Variants in GRIN1 observed in about 807,000 individuals in gnomAD.
The protein encoded by GRIN1 is glutamate ionotropic receptor NMDA type subunit 1.
In GRIN1, 38 loss-of-function variants were observed where a neutral mutation model predicts 103.0. The observed-to-expected ratio is 0.37, with a 90% CI of 0.28 to 0.48. GRIN1 has a LOEUF of 0.48. Among genes scored for constraint, GRIN1 ranks in the 20% least tolerant of loss-of-function variants. The pLI is 0.98. For missense variants in GRIN1, 577 were observed against 1,288.9 expected, an observed-to-expected ratio of 0.45 and a Z score of 8.46; for synonymous variants, 544 against 532.7, an observed-to-expected ratio of 1.02 and a Z score of -0.29.
Position 137,153,521 on chromosome 9 carries a change from G to T in GRIN1, c.672-3148G>T, listed in dbSNP as rs903242481. On this transcript the variant is annotated intron_variant, in intron 4 of 19. Coordinates refer to ENST00000371561, the MANE Select transcript of GRIN1 (RefSeq NM_007327.4). ...ACAACACATACACATGTGCACACAT[G>T]CCATATACCACATGTGTACACACAT... is the stretch of plus-strand genomic sequence containing the variant. 2.6e-5 allele frequency among the ~76,000 whole-genome samples: 4 copies of T among 151,246 alleles called. No homozygotes were observed. The East Asian group carries it at 5.8e-4, about 22-fold the overall frequency.
rs368378783 is a variant in GRIN1 at position 137,142,135 on chromosome 9, C to A, written c.381C>A (p.Ile127=). 2 of 1,614,154 alleles carry A rather than the reference C, an allele frequency of 1.2e-6. No homozygotes were observed. Among genetic ancestry groups the A allele is most frequent in the South Asian group, 2.2e-5 (2 of 91,090 alleles). ...TGGGGCTGACCACCCGCATGTCCAT[C>A]TACTCGGACAAGGTAAGCCTGACTG... The part of the protein sequence containing the change: ...PVLGLTTRMS[I]YSDKSIHLSF... Residue 127 remains isoleucine, a synonymous_variant, in exon 2 of 20, where the codon ATC becomes ATA. Coordinates refer to ENST00000371561, the MANE Select transcript of GRIN1 (RefSeq NM_007327.4).
Position 137,161,106 on chromosome 9 carries a change from T to C in GRIN1, c.1248T>C (p.Ser416=). The change falls in exon 9 of 20, where the codon AGT becomes AGC. Residue 416 remains serine (S), a synonymous_variant. Coordinates refer to ENST00000371561, the MANE Select transcript of GRIN1 (RefSeq NM_007327.4). ...EPFVYVKPTL[S]DGTCKEEFTV... Reference sequence around the variant, plus strand: ...TCGTGTACGTCAAGCCCACGCTGAGTGATGGGACATGCAAGGAGGAGTTCA... The same window carrying C: ...TCGTGTACGTCAAGCCCACGCTGAGCGATGGGACATGCAAGGAGGAGTTCA... 1.2e-6 allele frequency: 2 copies of C among 1,612,606 alleles called. No individual in the cohort carries two copies. Among genetic ancestry groups the C allele is most frequent in the Non-Finnish European group, 1.7e-6 (2 of 1,179,856 alleles).
chr9:137,154,110 C>CTTTT (rs869310108), intron 4 of GRIN1, among the ~76,000 whole-genome samples: 1 of 143,958 alleles, frequency 6.9e-6, no homozygotes, highest in Non-Finnish European at 1.5e-5. Flanking sequence ...CCGTGCCTGC[C>CTTTT]TTTTTTTTTT....
chr9:137,159,785 TAAA>T (rs565003943), intron 8 of GRIN1, among the ~76,000 whole-genome samples: 80 of 152,290 alleles, frequency 5.3e-4, no homozygotes, highest in South Asian at 1.7e-3. Context: ...CCCCTGGGGA[TAAA>T]AGACAAAATG....
intron 14 of GRIN1, 32 bp from the exon 15 acceptor site, chr9:137,162,814 G>C: frequency 3.7e-6 from 6 of 1,609,064 alleles, no homozygotes; most frequent in South Asian, 1.1e-5. Context: ...CTGGGGAGCC[G>C]CCGCCGCGAT....
chr9:137,144,421 G>A (rs563788903), intron 2 of GRIN1, among the ~76,000 whole-genome samples: 64 of 151,836 alleles, frequency 4.2e-4, no homozygotes, highest in South Asian at 3.1e-3. Flanking sequence ...TTGGGAGGCC[G>A]AGGCGGGCGG....
Position 137,167,581 on chromosome 9 carries a change from G to A in GRIN1, c.*54G>A. 3.9e-6 allele frequency: 6 copies of A among 1,541,086 alleles called. No individual in the cohort carries two copies. The highest frequency in any genetic ancestry group is 4.9e-5 in the East Asian group (2 of 41,148). ...TCCCCCGCAGACAGACAGACAGACG[G>A]ACGGGACAGCGGCCCGGCCCACGCA... is the stretch of plus-strand genomic sequence containing the variant. On this transcript the variant is annotated 3_prime_UTR_variant, in exon 20 of 20. Coordinates refer to ENST00000371561, the MANE Select transcript of GRIN1 (RefSeq NM_007327.4).
intron 3 of GRIN1, chr9:137,148,249 T>C (rs1832657718): frequency 1.4e-6 from 2 of 1,452,540 alleles, no homozygotes; most frequent in Non-Finnish European, 1.9e-6. Flanking sequence ...CACCCACGGC[T>C]AGGGAGCCCT....
intron 8 of GRIN1, 46 bp from the exon 9 acceptor site, chr9:137,161,010 C>T: frequency 1.2e-6 from 2 of 1,611,176 alleles, no homozygotes; most frequent in Non-Finnish European, 1.7e-6. Flanking sequence ...CCGCCCTGGG[C>T]AGCCTTAGGT....
At chr9:137,157,615 G>A (rs920173836) in intron 6 of GRIN1, among the ~76,000 whole-genome samples, 1 of 152,198 alleles carries the variant, frequency 6.6e-6, no homozygotes, top group Non-Finnish European at 1.5e-5. Flanking sequence ...ACGAGCCTTA[G>A]ACAGCCAGGG....
chr9:137,156,914 G>C lies in GRIN1; in HGVS notation c.845G>C (p.Ser282Thr). 6.2e-7 allele frequency: 1 copy of C among 1,612,224 alleles called. No homozygotes were observed. Among genetic ancestry groups the C allele is most frequent in the Non-Finnish European group, 8.5e-7 (1 of 1,179,786 alleles). Residue 282 changes from serine to threonine, a missense_variant, in exon 6 of 20, where the codon AGC becomes ACC. This residue lies in a region of GRIN1 where 308 missense variants were observed against 553.6 expected (regional missense o/e 0.56). Transcript: ENST00000371561. ...INGKNESAHI[S>T]DAVGVVAQAV... is the part of the protein sequence containing the mutation. ...GGCAAGAACGAGTCGGCCCACATCAGCGACGCCGTGGGCGTGGTGGCCCAG... is the reference window on the plus strand; with the variant it reads ...GGCAAGAACGAGTCGGCCCACATCACCGACGCCGTGGGCGTGGTGGCCCAG...
rs200941644 is a variant in GRIN1, at chr9:137,168,399, G to C, written c.*872G>C. On this transcript the variant is annotated 3_prime_UTR_variant, in exon 20 of 20. Transcript: ENST00000371561. ...TTCCCAGCTGGCAGCGCCTCCCGCCGCCTCGGGCCGCCTCCTCCAGACTCG... is the reference window on the plus strand; with the variant it reads ...TTCCCAGCTGGCAGCGCCTCCCGCCCCCTCGGGCCGCCTCCTCCAGACTCG... The C allele has an allele frequency of 6.2e-5, 12 of 192,788 alleles. No individual in the cohort carries two copies. The highest frequency in any genetic ancestry group is 1.0e-4 in the Non-Finnish European group (10 of 96,212). The allele number at this position is 192,788 out of a possible 1,614,324, so 11.9% of individuals were successfully genotyped here.
intron 11 of GRIN1, 22 bp from the exon 12 acceptor site, chr9:137,162,150 C>T: frequency 6.5e-7 from 1 of 1,541,698 alleles, no homozygotes; most frequent in South Asian, 1.2e-5. Flanking sequence ...CCGGGCCGCG[C>T]TGACCTCGCG....
At chr9:137,166,163 A>T (rs1833868688) in intron 19 of GRIN1, among the ~76,000 whole-genome samples, 1 of 151,998 alleles carries the variant, frequency 6.6e-6, no homozygotes, top group African/African-American at 2.4e-5. Flanking sequence ...AAGGGAAACG[A>T]CCACCTCAGC....
rs200127557 is a variant in GRIN1 at position 137,162,721 on chromosome 9, G to A, written c.1995G>A (p.Thr665=). 1.9e-6 allele frequency: 3 copies of A among 1,605,718 alleles called. No homozygotes were observed. Among genetic ancestry groups the A allele is most frequent in the Non-Finnish European group, 2.5e-6 (3 of 1,176,884 alleles). ...LVLDRPEERI[T]GINDPRLRNP... Reference sequence around the variant, plus strand: ...TGGACCGGCCGGAGGAGCGCATCACGGGCATCAACGACCCTCGGGTGAGGC... The same window carrying A: ...TGGACCGGCCGGAGGAGCGCATCACAGGCATCAACGACCCTCGGGTGAGGC... The change falls in exon 14 of 20, where the codon ACG becomes ACA. Residue 665 remains threonine, a synonymous_variant. Coordinates refer to ENST00000371561, the MANE Select transcript of GRIN1 (RefSeq NM_007327.4).
intron 4 of GRIN1, among the ~76,000 whole-genome samples, chr9:137,149,682 G>C (rs1382671711): frequency 2.0e-5 from 3 of 152,206 alleles, no homozygotes; most frequent in Non-Finnish European, 2.9e-5. Flanking sequence ...TTTGCAAATG[G>C]CTAGGTTCTC....
chr9:137,165,097 C>A, intron 18 of GRIN1, 89 bp from the exon 19 acceptor site: 2 of 960,134 alleles, frequency 2.1e-6, no homozygotes, highest in Non-Finnish European at 3.4e-6. Flanking sequence ...AGTGGCCGGC[C>A]AGGCTGGGCA....
intron 3 of GRIN1, among the ~76,000 whole-genome samples, chr9:137,147,901 C>T (rs975754521): frequency 6.6e-6 from 1 of 152,172 alleles, no homozygotes; most frequent in South Asian, 2.1e-4. Context: ...TCCTTTTCTC[C>T]CGAGAGCGAC....
chr9:137,147,259 A>T (rs994676073), intron 3 of GRIN1, among the ~76,000 whole-genome samples: 4 of 151,592 alleles, frequency 2.6e-5, no homozygotes, highest in African/African-American at 9.7e-5. Flanking sequence ...CCACACACAC[A>T]CCTGGACACG....
Sources: gnomAD v4.1 joint callset for allele counts (sites outside exome capture counted in the v4.1 genomes callset) on GRCh38, gnomAD v4.1.1 for gene constraint, gnomAD v4.1.1 regional missense constraint, MANE v1.5 for transcripts, NCBI Gene and HGNC (gene_info 2026-07-23, HGNC 2026-07-21) for gene names.